The following LINGO2 variants were observed in gnomAD, a reference collection of about 807,000 sequenced individuals.
LINGO2 encodes the protein leucine rich repeat and Ig domain containing 2.
LINGO2 carries 14 observed loss-of-function variants against 30.6 expected under a neutral mutation model. The observed-to-expected ratio is 0.46, with a 90% CI of 0.30 to 0.72. The LOEUF (loss-of-function observed/expected upper bound fraction) is 0.72, where lower values mean the gene tolerates loss of function less well. Ranked by LOEUF, LINGO2 falls within the 30% of genes least tolerant of loss-of-function variation. The pLI, the probability that LINGO2 is intolerant of heterozygous loss-of-function variation, is 0.07. For synonymous variants in LINGO2, 317 were observed against 288.5 expected, an observed-to-expected ratio of 1.10 and a Z score of -1.00; for missense variants, 729 against 751.7, an observed-to-expected ratio of 0.97 and a Z score of 0.35.
chr9:28,741,711 A>G, the LINGO2 span, among the ~76,000 whole-genome samples: 4 of 151,930 alleles, frequency 2.6e-5, no homozygotes, highest in Non-Finnish European at 5.9e-5. Flanking sequence ...TAAGTTCTCC[A>G]GGTACTTGCT....
chr9:28,995,890 G>A, the LINGO2 span, among the ~76,000 whole-genome samples: 1 of 150,090 alleles, frequency 6.7e-6, no homozygotes, highest in African/African-American at 2.5e-5. Flanking sequence ...GGATGGGGGA[G>A]GGATAGCATT....
At chr9:28,350,033 C>T (rs59776965) in intron 3 of LINGO2, among the ~76,000 whole-genome samples, 2,957 of 151,908 alleles carry the variant, frequency 0.019, 103 homozygotes, top group African/African-American at 0.067. Context: ...CGGTACCAGC[C>T]GCTGCAAAAT....
intron 1 of LINGO2, among the ~76,000 whole-genome samples, chr9:28,587,365 G>A (rs1293103757): frequency 6.6e-6 from 1 of 152,020 alleles, no homozygotes; most frequent in African/African-American, 2.4e-5. Flanking sequence ...GAACAGTGGA[G>A]CAGACAAAGA....
chr9:28,974,796 G>C, the LINGO2 span, among the ~76,000 whole-genome samples: 1 of 151,894 alleles, frequency 6.6e-6, no homozygotes, highest in African/African-American at 2.4e-5. Flanking sequence ...CCTTCTACTT[G>C]CAAAGTTCTT....
At chr9:28,534,725 A>G (rs138167924) in intron 1 of LINGO2, among the ~76,000 whole-genome samples, 30 of 152,306 alleles carry the variant, frequency 2.0e-4, no homozygotes, top group African/African-American at 6.7e-4. Flanking sequence ...AATTAAATAT[A>G]GAAACTTAGA....
At chr9:28,560,604 A>G (rs913421710) in intron 1 of LINGO2, among the ~76,000 whole-genome samples, 45 of 151,956 alleles carry the variant, frequency 3.0e-4, no homozygotes, top group African/African-American at 1.1e-3. Flanking sequence ...TTTGGGTGTG[A>G]TTATATATAT....
intron 1 of LINGO2, among the ~76,000 whole-genome samples, chr9:28,567,998 G>A (rs1220451375): frequency 6.6e-6 from 1 of 151,928 alleles, no homozygotes; most frequent in Non-Finnish European, 1.5e-5. Context: ...AAATCACCAG[G>A]GAGTGAGAAA....
intron 1 of LINGO2, among the ~76,000 whole-genome samples, chr9:28,640,677 C>G (rs1312155866): frequency 6.6e-6 from 1 of 152,112 alleles, no homozygotes; most frequent in Admixed American, 6.6e-5. Context: ...TCAGCTCCAT[C>G]AGGTCCTTTA....
chr9:29,128,866 T>G, the LINGO2 span, among the ~76,000 whole-genome samples: 1 of 152,160 alleles, frequency 6.6e-6, no homozygotes, highest in Non-Finnish European at 1.5e-5. Flanking sequence ...GGCTTATAAC[T>G]AAAAGAGCAC....
chr9:28,997,047 C>G, the LINGO2 span, among the ~76,000 whole-genome samples: 33 of 152,260 alleles, frequency 2.2e-4, no homozygotes, highest in South Asian at 5.6e-3. Flanking sequence ...AATTTATCAT[C>G]TGAAAATAGT....
the LINGO2 span, among the ~76,000 whole-genome samples, chr9:28,987,327 G>C: frequency 6.6e-6 from 1 of 151,616 alleles, no homozygotes; most frequent in Non-Finnish European, 1.5e-5. Flanking sequence ...CTGATTTGTT[G>C]ATTTACAATT....
the LINGO2 span, among the ~76,000 whole-genome samples, chr9:28,867,764 T>G: frequency 6.6e-6 from 1 of 152,102 alleles, no homozygotes; most frequent in South Asian, 2.1e-4. Context: ...AGAGCTAGAT[T>G]TGTCTAAAAG....
chr9:28,328,674 C>T (rs1251901094), intron 3 of LINGO2, among the ~76,000 whole-genome samples: 2 of 152,022 alleles, frequency 1.3e-5, no homozygotes, highest in Non-Finnish European at 1.5e-5. Context: ...ATTAGGAAAG[C>T]CATAATGTGC....
chr9:28,683,816 A>G, the LINGO2 span, among the ~76,000 whole-genome samples: 1 of 152,234 alleles, frequency 6.6e-6, no homozygotes, highest in African/African-American at 2.4e-5. Flanking sequence ...TAGAGACAGC[A>G]TAGGAGAAAC....
intron 4 of LINGO2, among the ~76,000 whole-genome samples, chr9:28,246,434 TA>T (rs1183216698): frequency 6.6e-6 from 1 of 151,444 alleles, no homozygotes; most frequent in East Asian, 1.9e-4. Flanking sequence ...CTCAAAAAAA[TA>T]AAAAAGAAGA....
chr9:28,610,180 T>C (rs902160087), intron 1 of LINGO2, among the ~76,000 whole-genome samples: 9 of 152,158 alleles, frequency 5.9e-5, no homozygotes, highest in Admixed American at 5.9e-4. Flanking sequence ...TAAAAGACTA[T>C]TTTTGAAGTA....
intron 1 of LINGO2, among the ~76,000 whole-genome samples, chr9:28,667,028 A>G (rs1828828397): frequency 6.6e-6 from 1 of 152,208 alleles, no homozygotes; most frequent in East Asian, 1.9e-4. Context: ...ATTTCTCCAC[A>G]TAAAAGATCA....
At chr9:28,754,589 C>A in the LINGO2 span, among the ~76,000 whole-genome samples, 1 of 151,714 alleles carries the variant, frequency 6.6e-6, no homozygotes, top group Non-Finnish European at 1.5e-5. Context: ...TTGCAGAACA[C>A]AGAGACTAGC....
At chr9:28,117,961 G>A (rs1826981189) in intron 4 of LINGO2, among the ~76,000 whole-genome samples, 2 of 152,196 alleles carry the variant, frequency 1.3e-5, no homozygotes, top group Non-Finnish European at 2.9e-5. Flanking sequence ...TCCAGAGATA[G>A]GAATGTAAAT....
Sources: gnomAD v4.1 joint callset for allele counts (sites outside exome capture counted in the v4.1 genomes callset) on GRCh38, gnomAD v4.1.1 for gene constraint, MANE v1.5 for transcripts, NCBI Gene and HGNC (gene_info 2026-07-23, HGNC 2026-07-21) for gene names.